Variants in GDA observed in about 807,000 individuals in gnomAD.
The protein encoded by GDA is guanine deaminase.
A neutral mutation model predicts 59.6 loss-of-function variants in GDA; 18 were observed. That is an observed-to-expected ratio of 0.30 (90% confidence interval 0.21 to 0.45). The LOEUF (loss-of-function observed/expected upper bound fraction) is 0.45. Ranked by LOEUF, GDA falls within the 20% of genes least tolerant of loss-of-function variation. GDA has a pLI of 1.00. For synonymous variants in GDA, 201 were observed against 201.1 expected, an observed-to-expected ratio of 1.00 and a Z score of 0.00; for missense variants, 427 against 552.3, an observed-to-expected ratio of 0.77 and a Z score of 2.27.
In GDA at chr9:72,191,572, C is replaced by T. The variant is rs189395310; in HGVS notation, c.124-3928C>T. ...CTGCAAGCTCCGCCTCCCGGGTTCA[C>T]GCCATTCTCCTGCCTCAGCCTCTGG... On this transcript the variant is annotated intron_variant, in intron 1 of 13. Transcript: ENST00000358399. 6.4e-3 allele frequency among the ~76,000 whole-genome samples: 968 copies of T among 151,320 alleles called. 3 individuals are homozygous for T. Among genetic ancestry groups the T allele is most frequent in the Non-Finnish European group, 0.011 (774 of 67,856 alleles).
chr9:72,161,198 G>A (rs72741963), intron 1 of GDA, among the ~76,000 whole-genome samples: 24,155 of 151,824 alleles, frequency 0.16, 1,976 homozygotes, highest in African/African-American at 0.2. Flanking sequence ...GTGAGCCACC[G>A]CCCCGGCCTG....
At chr9:72,216,964 C>T (rs180943562) in intron 5 of GDA, among the ~76,000 whole-genome samples, 1 of 152,114 alleles carries the variant, frequency 6.6e-6, no homozygotes, top group Non-Finnish European at 1.5e-5. Context: ...TGTGAGCCAC[C>T]GTGCCCGGCC....
chr9:72,153,434 G>C (rs1164824546), intron 1 of GDA, among the ~76,000 whole-genome samples: 1 of 151,576 alleles, frequency 6.6e-6, no homozygotes, highest in Non-Finnish European at 1.5e-5. Flanking sequence ...ATTCCTCAGG[G>C]ATCTAGAACT....
At chr9:72,165,754 C>T (rs192991015) in intron 1 of GDA, among the ~76,000 whole-genome samples, 1 of 151,326 alleles carries the variant, frequency 6.6e-6, no homozygotes, top group African/African-American at 2.4e-5. Context: ...AAAAATTAGC[C>T]GGGCATGATG....
intron 1 of GDA, among the ~76,000 whole-genome samples, chr9:72,133,226 G>A (rs1321417373): frequency 6.9e-6 from 1 of 145,160 alleles, no homozygotes. Context: ...GGAGGCGGAG[G>A]TTGTAGTGAA....
At chr9:72,195,435 A>G (rs1371395468) in intron 1 of GDA, 65 bp from the exon 2 acceptor site, 4 of 578,428 alleles carry the variant, frequency 6.9e-6, no homozygotes, top group Admixed American at 3.2e-5. Flanking sequence ...TACATATTTA[A>G]TAAAAAACAA....
chr9:72,176,604 C>T (rs938312020), intron 1 of GDA, among the ~76,000 whole-genome samples: 1 of 152,176 alleles, frequency 6.6e-6, no homozygotes, highest in Non-Finnish European at 1.5e-5. Context: ...CTTCCAACTA[C>T]GAGGAGTTCA....
chr9:72,187,741 AGAG>A (rs1832031810), intron 1 of GDA, among the ~76,000 whole-genome samples: 1 of 152,248 alleles, frequency 6.6e-6, no homozygotes, highest in Non-Finnish European at 1.5e-5. Flanking sequence ...GCTCAGAAGA[AGAG>A]AAGACTGGGG....
intron 1 of GDA, among the ~76,000 whole-genome samples, chr9:72,163,964 T>C (rs1217048456): frequency 6.6e-6 from 1 of 152,140 alleles, no homozygotes; most frequent in East Asian, 1.9e-4. Flanking sequence ...ACCTCTCTGT[T>C]TTAGTTGGGT....
chr9:72,255,577 C>T (rs779931899), downstream of GDA, among the ~76,000 whole-genome samples: 2 of 152,186 alleles, frequency 1.3e-5, no homozygotes, highest in African/African-American at 4.8e-5. Context: ...CAAGTGCACA[C>T]ACTTCTTTCA....
intron 9 of GDA, among the ~76,000 whole-genome samples, chr9:72,229,375 A>G (rs1177920490): frequency 6.6e-6 from 1 of 151,932 alleles, no homozygotes; most frequent in East Asian, 1.9e-4. Context: ...ACAAACAAAC[A>G]AACAAACAAA....
chr9:72,139,660 T>TA (rs113296189), intron 1 of GDA, among the ~76,000 whole-genome samples: 18,978 of 151,168 alleles, frequency 0.13, 2,488 homozygotes, highest in African/African-American at 0.33. Flanking sequence ...TCGCCTCTAA[T>TA]AAAAAAAAAT....
chr9:72,126,071 T>G (rs1217686315), intron 1 of GDA, among the ~76,000 whole-genome samples: 1 of 151,928 alleles, frequency 6.6e-6, no homozygotes, highest in Admixed American at 6.6e-5. Context: ...CATGTGCCAC[T>G]ACACCCGGCT....
intron 9 of GDA, chr9:72,228,321 G>T (rs563710800): frequency 3.9e-4 from 134 of 341,040 alleles, no homozygotes; most frequent in African/African-American, 2.6e-3. Context: ...AATTTACAGT[G>T]AAAGTACTGA....
At chr9:72,118,807 T>C (rs1051068813) in intron 1 of GDA, among the ~76,000 whole-genome samples, 1 of 152,230 alleles carries the variant, frequency 6.6e-6, no homozygotes, top group African/African-American at 2.4e-5. Context: ...ATGCACTTCC[T>C]GTGGTCTTTC....
intron 9 of GDA, 84 bp downstream of exon 9, chr9:72,228,124 C>T: frequency 2.6e-6 from 2 of 764,096 alleles, no homozygotes; most frequent in South Asian, 1.5e-5. Context: ...CTCTGTCATT[C>T]CTCCAGGATC....
chr9:72,159,051 T>C (rs1350986681), intron 1 of GDA, among the ~76,000 whole-genome samples: 2 of 152,202 alleles, frequency 1.3e-5, no homozygotes, highest in African/African-American at 2.4e-5. Context: ...TCTTCTGTCA[T>C]GGAGAGGGCC....
chr9:72,235,644 C>T (rs1838887478), intron 10 of GDA, among the ~76,000 whole-genome samples: 3 of 151,634 alleles, frequency 2.0e-5, no homozygotes, highest in African/African-American at 7.3e-5. Context: ...TTGCAGTGAG[C>T]CGAGATTGCA....
At chr9:72,174,818 T>C (rs962725869) in intron 1 of GDA, among the ~76,000 whole-genome samples, 1 of 140,018 alleles carries the variant, frequency 7.1e-6, no homozygotes, top group African/African-American at 2.7e-5. Context: ...AGAGACAGAG[T>C]GGGGATGGGG....
Sources: allele counts gnomAD v4.1 joint callset (sites outside exome capture counted in the v4.1 genomes callset), GRCh38; gene constraint gnomAD v4.1.1; transcripts MANE v1.5; gene names NCBI Gene and HGNC (gene_info 2026-07-23, HGNC 2026-07-21).